The following DMD variants were observed in gnomAD, a reference collection of about 807,000 sequenced individuals.
The protein encoded by DMD is dystrophin.
In DMD, 63 loss-of-function variants were observed where a neutral mutation model predicts 330.1. That is an observed-to-expected ratio of 0.19 (90% CI 0.16 to 0.24). DMD has a LOEUF of 0.24. DMD is among the 10% of genes least tolerant of loss of function. DMD has a pLI of 1.00. For synonymous variants in DMD, 1,223 were observed against 959.8 expected (o/e 1.27, Z -5.07); for missense variants, 3,344 against 2,684.1 (o/e 1.25, Z -5.43).
At chrX:33,276,298 G>C (rs112167105) in intron 1 of DMD, among the ~76,000 whole-genome samples, 1,850 of 111,161 alleles carry the variant, frequency 0.017, 38 homozygotes, top group African/African-American at 0.058. Flanking sequence ...CACATGAAGA[G>C]GCTGGAGTAT....
intron 60 of DMD, among the ~76,000 whole-genome samples, chrX:31,405,329 ATG>A (rs2061361336): frequency 8.0e-5 from 9 of 112,352 alleles, no homozygotes; most frequent in Non-Finnish European, 1.5e-4. Context: ...AAAGACATGG[ATG>A]TATTGGAACA....
intron 63 of DMD, among the ~76,000 whole-genome samples, chrX:31,229,254 T>C (rs1411685240): frequency 1.8e-5 from 2 of 112,074 alleles, no homozygotes; most frequent in Admixed American, 1.9e-4. Context: ...ATTCCAAAGA[T>C]ATTACAGAAA....
intron 43 of DMD, among the ~76,000 whole-genome samples, chrX:32,259,701 A>C (rs1208456396): frequency 8.9e-6 from 1 of 111,862 alleles, no homozygotes; most frequent in Non-Finnish European, 1.9e-5. Flanking sequence ...TAGAAAAAAT[A>C]CTAATACTCT....
At chrX:32,179,670 C>T (rs1209368197) in intron 44 of DMD, among the ~76,000 whole-genome samples, 1 of 111,949 alleles carries the variant, frequency 8.9e-6, no homozygotes, top group Non-Finnish European at 1.9e-5. Context: ...ATCCAAATCT[C>T]ATCTTGAATT....
intron 1 of DMD, among the ~76,000 whole-genome samples, chrX:33,163,624 C>CTATG (rs1557282376): frequency 4.8e-5 from 4 of 82,840 alleles, no homozygotes; most frequent in South Asian, 6.6e-4. Flanking sequence ...CTATCTCTAT[C>CTATG]TATCTATCTA....
At chrX:31,776,994 G>C (rs2090709503) in intron 50 of DMD, among the ~76,000 whole-genome samples, 1 of 111,736 alleles carries the variant, frequency 8.9e-6, no homozygotes, top group Admixed American at 9.5e-5. Flanking sequence ...AAAGGGAGGG[G>C]AAACCTTATC....
intron 16 of DMD, among the ~76,000 whole-genome samples, chrX:32,550,204 A>G (rs774392910): frequency 8.9e-6 from 1 of 112,102 alleles, no homozygotes; most frequent in East Asian, 2.8e-4. Context: ...ATCGAAAGGT[A>G]CAATAAAAAT....
At chrX:32,236,290 G>C (rs1371486576) in intron 43 of DMD, among the ~76,000 whole-genome samples, 1 of 112,256 alleles carries the variant, frequency 8.9e-6, no homozygotes, top group African/African-American at 3.2e-5. Flanking sequence ...TAACTGGAAT[G>C]CTGTTTGGTA....
At chrX:31,289,251 C>CAAAAAAAA (rs773939250) in intron 62 of DMD, among the ~76,000 whole-genome samples, 4 of 23,551 alleles carry the variant, frequency 1.7e-4, no homozygotes, top group African/African-American at 4.4e-4. Context: ...GGTGACAGAG[C>CAAAAAAAA]AAAAAAAAAA....
chrX:31,771,703 G>A (rs747065402), intron 51 of DMD, among the ~76,000 whole-genome samples: 1 of 111,245 alleles, frequency 9.0e-6, no homozygotes, highest in African/African-American at 3.3e-5. Flanking sequence ...GTTTGGCCAT[G>A]TTGACCAGGC....
intron 26 of DMD, among the ~76,000 whole-genome samples, chrX:32,452,403 A>AGGGAAAG (rs1211184191): frequency 1.2e-4 from 1 of 8,294 alleles, no homozygotes; most frequent in Non-Finnish European, 2.9e-4. Flanking sequence ...GGGAAGGGAA[A>AGGGAAAG]GGAAAGGGAA....
In DMD at chrX:33,037,674, T is replaced by A. The variant is rs769563287; in HGVS notation, c.32-17474A>T. Among the ~76,000 whole-genome samples, 4 of 111,982 alleles carry A rather than the reference T, an allele frequency of 3.6e-5. No individual in the cohort carries two copies. In the Admixed American group the frequency reaches 3.8e-4, roughly 11 times the overall value. ...TGAAAAACTTGTAAGTCTTGTTTAG[T>A]TTCTTGCTGAAATTTAAATAATACT... On this transcript the variant is annotated intron_variant, in intron 1 of 78. Transcript: ENST00000357033.
intron 44 of DMD, among the ~76,000 whole-genome samples, chrX:32,146,448 C>G (rs1170162063): frequency 9.0e-6 from 1 of 111,057 alleles, no homozygotes; most frequent in South Asian, 3.8e-4. Context: ...GACAGGTAGA[C>G]AGCCAGATGG....
chrX:32,415,287 A>G (rs1286899196), intron 29 of DMD, among the ~76,000 whole-genome samples: 1 of 112,142 alleles, frequency 8.9e-6, no homozygotes, highest in Non-Finnish European at 1.9e-5. Context: ...AGCTGAAAGG[A>G]ACAGTGTGGC....
intron 44 of DMD, among the ~76,000 whole-genome samples, chrX:32,073,592 T>G (rs2096318265): frequency 9.0e-6 from 1 of 111,562 alleles, no homozygotes; most frequent in Non-Finnish European, 1.9e-5. Context: ...ACTATCCCAC[T>G]TGCAAAATGA....
intron 55 of DMD, among the ~76,000 whole-genome samples, chrX:31,622,165 T>A (rs777534413): frequency 8.9e-5 from 10 of 111,794 alleles, no homozygotes; most frequent in Non-Finnish European, 1.9e-4. Context: ...ATTCTCATAA[T>A]GCTATTATAA....
At chrX:32,647,425 G>C (rs537328096) in intron 9 of DMD, among the ~76,000 whole-genome samples, 8 of 111,523 alleles carry the variant, frequency 7.2e-5, no homozygotes, top group African/African-American at 2.3e-4. Context: ...AGCCCTGGGA[G>C]ATAATGCTTC....
At chrX:31,814,351 C>T (rs942875622) in intron 50 of DMD, among the ~76,000 whole-genome samples, 153 of 106,675 alleles carry the variant, frequency 1.4e-3, no homozygotes, top group Non-Finnish European at 2.3e-3. Context: ...GGCGTGGTGG[C>T]GGGCGCCTGT....
chrX:32,412,172 T>C lies in DMD; in HGVS notation c.4072-259A>G, dbSNP rs759497787. On this transcript the variant is annotated intron_variant, in intron 29 of 78. Transcript: ENST00000357033. ...CACAATATCACGTACATTAAGGAAA[T>C]AGGCTGGAAAAAAAATTAGCAAAAT... 66 of 1,107,564 alleles carry C rather than the reference T, an allele frequency of 6.0e-5. No homozygotes were observed. The South Asian group carries it at 1.0e-3, about 17-fold the overall frequency. 91.3% of individuals were successfully genotyped at this position (1,107,564 alleles called of 1,213,427 possible).
Sources: allele counts gnomAD v4.1 joint callset (sites outside exome capture counted in the v4.1 genomes callset), GRCh38; gene constraint gnomAD v4.1.1; transcripts MANE v1.5; gene names NCBI Gene and HGNC (gene_info 2026-07-23, HGNC 2026-07-21).